ZNF592: variants seen among roughly 807,000 people sequenced by gnomAD.
ZNF592 encodes zinc finger protein 592.
Under a neutral mutation model 80.3 loss-of-function variants are expected in ZNF592, and 11 were observed. That is an observed-to-expected ratio of 0.14 (90% CI 0.09 to 0.23). The LOEUF is 0.23. Among genes scored for constraint, ZNF592 ranks in the 10% least tolerant of loss-of-function variants. The pLI is 1.00. For missense variants in ZNF592, 1,420 were observed against 1,633.9 expected, an observed-to-expected ratio of 0.87 and a Z score of 2.26; for synonymous variants, 646 against 640.3, an observed-to-expected ratio of 1.01 and a Z score of -0.13.
At chr15:84,792,533 C>G (rs1962778651) in intron 5 of ZNF592, among the ~76,000 whole-genome samples, 1 of 152,182 alleles carries the variant, frequency 6.6e-6, no homozygotes, top group Admixed American at 6.5e-5. Context: ...TCACTGCAGC[C>G]TTGACCTCCC....
chr15:84,764,433 G>A (rs1002574554), intron 1 of ZNF592, among the ~76,000 whole-genome samples: 1 of 152,180 alleles, frequency 6.6e-6, no homozygotes, highest in African/African-American at 2.4e-5. Flanking sequence ...CAGGTCTCAA[G>A]GCTAGTAAGT....
Position 84,798,674 on chromosome 15 carries a change from A to G in ZNF592, c.2823A>G (p.Arg941=), listed in dbSNP as rs763027074. ...ADTSSSRPGS[R]VPTEPPATSV... Reference sequence around the variant, plus strand: ...CATCCTCAAGCCGCCCTGGCTCTCGAGTTCCCACTGAGCCACCAGCCACTA... The same window carrying G: ...CATCCTCAAGCCGCCCTGGCTCTCGGGTTCCCACTGAGCCACCAGCCACTA... Residue 941 remains arginine (R), a synonymous_variant, in exon 8 of 11, where the codon CGA becomes CGG. Coordinates refer to ENST00000560079, the MANE Select transcript of ZNF592 (RefSeq NM_014630.3). The surrounding 1 kb of genome is among the most constrained non-coding windows in gnomAD (Gnocchi z 4.5). 6 of 1,613,698 alleles carry G rather than the reference A, an allele frequency of 3.7e-6. No individual in the cohort carries two copies. The Admixed American group carries it at 1.0e-4, about 27-fold the overall frequency.
At chr15:84,761,519 G>A (rs1899349986) in intron 1 of ZNF592, among the ~76,000 whole-genome samples, 1 of 152,192 alleles carries the variant, frequency 6.6e-6, no homozygotes, top group South Asian at 2.1e-4. Context: ...AGAGTTTAAA[G>A]TGTTGTCAGT....
chr15:84,788,279 C>T (rs1046363400), intron 4 of ZNF592, among the ~76,000 whole-genome samples: 6 of 152,150 alleles, frequency 3.9e-5, no homozygotes, highest in East Asian at 1.9e-4. Flanking sequence ...AGCTCCCCAC[C>T]TTTTACCTAA....
intron 4 of ZNF592, 37 bp from the exon 5 acceptor site, chr15:84,790,667 GC>G: frequency 1.2e-6 from 2 of 1,611,474 alleles, no homozygotes; most frequent in Non-Finnish European, 1.7e-6. Flanking sequence ...CAGGCCTATG[GC>G]CCCTGCATGA....
Position 84,784,753 on chromosome 15 carries a change from C to G in ZNF592, c.2078C>G (p.Pro693Arg), listed in dbSNP as rs754701364. 1.9e-6 allele frequency: 3 copies of G among 1,614,166 alleles called. No individual in the cohort carries two copies. Among genetic ancestry groups the G allele is most frequent in the Non-Finnish European group, 2.5e-6 (3 of 1,180,044 alleles). Reference sequence around the variant, plus strand: ...CTCACTTCGGGCAGTGCCAGTCCCCCTCCTCCAGCCTTGCCACTCTACCCA... The same window carrying G: ...CTCACTTCGGGCAGTGCCAGTCCCCGTCCTCCAGCCTTGCCACTCTACCCA... The part of the protein sequence containing the change: ...HGLTSGSASP[P>R]PPALPLYPDP... The change falls in exon 4 of 11, where the codon CCT (proline) becomes CGT (arginine). Residue 693 changes from proline (P) to arginine (R), a missense_variant. Pro to Arg is a moderately radical substitution (Grantham distance 103). This residue lies in a region of ZNF592 where 524 missense variants were observed against 628.3 expected (regional missense o/e 0.83). Coordinates refer to ENST00000560079, the MANE Select transcript of ZNF592 (RefSeq NM_014630.3). This position sits in a 1 kb window ranked among gnomAD's most constrained non-coding sequence, Gnocchi z 5.8.
At chr15:84,790,585 A>G in intron 4 of ZNF592, 120 bp from the exon 5 acceptor site, 1 of 987,970 alleles carries the variant, frequency 1.0e-6, no homozygotes, top group Non-Finnish European at 1.6e-6. Flanking sequence ...GAGTTGGAAG[A>G]GAGAGTGGTT....
At position 84,765,259 on chromosome 15, in the gene ZNF592, C is replaced by T. The variant is rs144033395; in HGVS notation, c.-150+444C>T. Among the ~76,000 whole-genome samples, 10 of 152,172 alleles carry T rather than the reference C, an allele frequency of 6.6e-5. No homozygotes were observed. The East Asian group carries it at 1.9e-3, about 29-fold the overall frequency. On this transcript the variant is annotated intron_variant, in intron 2 of 10. Transcript: ENST00000560079. ...GTGTATATACCACATTTTGTTTATC[C>T]TTTCATCTGTTGATAGATACTTGGG...
At chr15:84,772,254 G>A (rs989815608) in intron 2 of ZNF592, among the ~76,000 whole-genome samples, 2 of 152,124 alleles carry the variant, frequency 1.3e-5, no homozygotes, top group Non-Finnish European at 2.9e-5. Context: ...GATGATTAAT[G>A]TTCCTGCTTG....
chr15:84,750,149 C>G (rs182291283), intron 1 of ZNF592, among the ~76,000 whole-genome samples: 1 of 152,252 alleles, frequency 6.6e-6, no homozygotes, highest in Admixed American at 6.5e-5. Flanking sequence ...TAAAAAAATA[C>G]AAAATTAGCC....
At chr15:84,756,577 G>A (rs1306889104) in intron 1 of ZNF592, among the ~76,000 whole-genome samples, 2 of 152,156 alleles carry the variant, frequency 1.3e-5, no homozygotes, top group Non-Finnish European at 2.9e-5. Context: ...ATTTTTCTGG[G>A]CTTGGCCCAG....
chr15:84,780,333 A>G (rs1962385237), intron 3 of ZNF592, among the ~76,000 whole-genome samples: 2 of 152,202 alleles, frequency 1.3e-5, no homozygotes, highest in Non-Finnish European at 2.9e-5. Flanking sequence ...GAAATTAAAA[A>G]GAAGCTTATA....
In ZNF592 at chr15:84,754,631, T is replaced by A. The variant is rs55633599; in HGVS notation, c.-259+5967T>A. The A allele has an allele frequency of 5.0e-3, 694 of 138,954 alleles. 2 individuals are homozygous for A. Among genetic ancestry groups the A allele is most frequent in the Non-Finnish European group, 8.0e-3 (515 of 64,644 alleles). 8.6% of individuals were successfully genotyped at this position (138,954 alleles called of 1,614,324 possible). A position where few individuals can be genotyped will look rare whatever the true frequency, so the allele number is the denominator to read the frequency against. ...ACCTGTAATCCCAGCACTTTGGGAGTGCTGAGGTGGGAGAATTGCTTGATC... is the reference window on the plus strand; with the variant it reads ...ACCTGTAATCCCAGCACTTTGGGAGAGCTGAGGTGGGAGAATTGCTTGATC... On this transcript the variant is annotated intron_variant, in intron 1 of 10. Transcript: ENST00000560079.
At chr15:84,771,560 A>G (rs1899702634) in intron 2 of ZNF592, among the ~76,000 whole-genome samples, 1 of 152,152 alleles carries the variant, frequency 6.6e-6, no homozygotes, top group South Asian at 2.1e-4. Flanking sequence ...GGCTGAAGGG[A>G]CATCTTGGTG....
At position 84,805,395 on chromosome 15, in the gene ZNF592, AGCGTTTATCT is replaced by A. The variant is rs1468123284; in HGVS notation, c.*3005_*3014del. The A allele has an allele frequency of 5.9e-5, 9 of 152,330 alleles. No homozygotes were observed. The highest frequency in any genetic ancestry group is 2.2e-4 in the African/African-American group (9 of 41,396). 9.4% of individuals were successfully genotyped at this position (152,330 alleles called of 1,614,324 possible). A position where few individuals can be genotyped will look rare whatever the true frequency, so the allele number is the denominator to read the frequency against. ...TCATCAGAAAATGCTTGCTGTAACAAGCGTTTATCTGCACATTATGCTGCAGTGAATGCTC... is the reference window on the plus strand; with the variant it reads ...TCATCAGAAAATGCTTGCTGTAACAAGCACATTATGCTGCAGTGAATGCTC... On this transcript the variant is annotated 3_prime_UTR_variant, in exon 11 of 11. Transcript: ENST00000560079.
At chr15:84,757,974 T>A (rs1018948474) in intron 1 of ZNF592, among the ~76,000 whole-genome samples, 2 of 148,354 alleles carry the variant, frequency 1.3e-5, no homozygotes, top group Non-Finnish European at 3.0e-5. Flanking sequence ...TAATCCTTTT[T>A]TTTTTTCTTT....
chr15:84,763,514 A>ACTTTTGTC (rs1899411971), intron 1 of ZNF592, among the ~76,000 whole-genome samples: 1 of 152,060 alleles, frequency 6.6e-6, no homozygotes, highest in Non-Finnish European at 1.5e-5. Flanking sequence ...CTGATCTCTA[A>ACTTTTGTC]CTTTTGTCCT....
rs1962455145 is a variant in ZNF592 at position 84,782,795 on chromosome 15, C to T, written c.120C>T (p.Pro40=). Residue 40 remains proline (P), a synonymous_variant, in exon 4 of 11, where the codon CCC becomes CCT. Transcript: ENST00000560079. The stretch of plus-strand genomic sequence containing the variant: ...CACCCAGTGAGGAGAATGAGAGTCC[C>T]CTCAAACCTCCAGGCATATGTATGG... ...IQTPSEENES[P]LKPPGICMDE... 3.7e-6 allele frequency: 6 copies of T among 1,614,134 alleles called. No homozygotes were observed. Among genetic ancestry groups the T allele is most frequent in the African/African-American group, 1.3e-5 (1 of 75,016 alleles).
In ZNF592 at chr15:84,798,398, C is replaced by T. The variant is rs779210029; in HGVS notation, c.2660C>T (p.Thr887Met). The change falls in exon 7 of 11, where the codon ACG becomes ATG. Residue 887 changes from threonine to methionine, a missense_variant. This residue lies in a region of ZNF592 where 331 missense variants were observed against 347.0 expected (regional missense o/e 0.95). Coordinates refer to ENST00000560079, the MANE Select transcript of ZNF592 (RefSeq NM_014630.3). This position sits in a 1 kb window ranked among gnomAD's most constrained non-coding sequence, Gnocchi z 4.5. ...QQHFYQNVSK[T>M]QVGVFKCPEC... Reference sequence around the variant, plus strand: ...CATTTTTACCAGAATGTCAGCAAGACGCAGGTGGGCGTCTTCAAGTGCCCT... The same window carrying T: ...CATTTTTACCAGAATGTCAGCAAGATGCAGGTGGGCGTCTTCAAGTGCCCT... The T allele has an allele frequency of 9.9e-6, 16 of 1,614,194 alleles. No homozygotes were observed. Among genetic ancestry groups the T allele is most frequent in the Admixed American group, 3.3e-5 (2 of 60,030 alleles).
Sources: allele counts gnomAD v4.1 joint callset (sites outside exome capture counted in the v4.1 genomes callset), GRCh38; gene constraint gnomAD v4.1.1; regional missense constraint gnomAD v4.1.1; non-coding constraint Gnocchi (gnomAD v3.1); transcripts MANE v1.5; gene names NCBI Gene and HGNC (gene_info 2026-07-23, HGNC 2026-07-21).